MTUS2: variants seen among roughly 807,000 people sequenced by gnomAD.
The protein encoded by MTUS2 is microtubule associated scaffold protein 2, also known as microtubule-associated tumor suppressor candidate 2.
Under a neutral mutation model 114.1 loss-of-function variants are expected in MTUS2, and 40 were observed. The ratio of observed to expected loss-of-function variants is 0.35; its 90% confidence interval spans 0.27 to 0.46. The LOEUF is 0.46. Among genes scored for constraint, MTUS2 ranks in the 20% least tolerant of loss-of-function variants. The probability of loss-of-function intolerance (pLI) is 1.00; values close to 1 mark genes in which losing one functional copy is unlikely to be tolerated. For missense variants in MTUS2, 1,679 were observed against 1,705.4 expected (o/e 0.98, Z 0.27); for synonymous variants, 688 against 672.0 (o/e 1.02, Z -0.37).
Position 29,040,030 on chromosome 13 carries a change from T to C in MTUS2, c.2446+5905T>C, listed in dbSNP as rs527909497. ...GTGATGTTTGGTTATATGTATAAGTTCTTTAGTGGTGATTTCTGAGGTCTT... is the reference window on the plus strand; with the variant it reads ...GTGATGTTTGGTTATATGTATAAGTCCTTTAGTGGTGATTTCTGAGGTCTT... On this transcript the variant is annotated intron_variant, in intron 4 of 15. Coordinates refer to ENST00000612955, the MANE Select transcript of MTUS2 (RefSeq NM_001033602.4). Among the ~76,000 whole-genome samples the C allele has an allele frequency of 6.6e-5, 10 of 152,288 alleles. No homozygotes were observed. In the South Asian group the frequency reaches 2.1e-3, roughly 32 times the overall value.
intron 5 of MTUS2, among the ~76,000 whole-genome samples, chr13:29,159,464 G>T (rs1379524471): frequency 6.6e-6 from 1 of 152,030 alleles, no homozygotes; most frequent in Non-Finnish European, 1.5e-5. Context: ...CTTGGGTTGG[G>T]TGTCAGAAGC....
intron 9 of MTUS2, among the ~76,000 whole-genome samples, chr13:29,445,097 C>G (rs530225193): frequency 8.5e-5 from 13 of 152,318 alleles, no homozygotes; most frequent in Non-Finnish European, 1.5e-4. Context: ...TTGCATAGTG[C>G]CCTCTACCAG....
intron 2 of MTUS2, among the ~76,000 whole-genome samples, chr13:28,852,130 G>A (rs1290741687): frequency 6.6e-6 from 1 of 152,024 alleles, no homozygotes; most frequent in Non-Finnish European, 1.5e-5. Flanking sequence ...CTCCTATTTA[G>A]CACAGGGCTG....
At chr13:29,449,468 C>T (rs1368857272) in intron 9 of MTUS2, among the ~76,000 whole-genome samples, 1 of 152,172 alleles carries the variant, frequency 6.6e-6, no homozygotes, top group Non-Finnish European at 1.5e-5. Flanking sequence ...CCTCCAAGCT[C>T]TTCCATATGA....
intron 5 of MTUS2, among the ~76,000 whole-genome samples, chr13:29,151,430 A>G (rs1305886875): frequency 1.3e-5 from 2 of 152,268 alleles, no homozygotes; most frequent in South Asian, 2.1e-4. Context: ...CAGTTGTAGG[A>G]GCCTTCTGGA....
chr13:29,110,843 G>A (rs1890855175), intron 5 of MTUS2, among the ~76,000 whole-genome samples: 1 of 152,096 alleles, frequency 6.6e-6, no homozygotes, highest in Non-Finnish European at 1.5e-5. Context: ...GGATGTTCTA[G>A]CCCATTCAAT....
chr13:29,331,260 T>C (rs1162172146), intron 7 of MTUS2, among the ~76,000 whole-genome samples: 1 of 152,194 alleles, frequency 6.6e-6, no homozygotes, highest in Non-Finnish European at 1.5e-5. Flanking sequence ...TGTATAGGAA[T>C]GCTTGTGATT....
chr13:29,475,772 A>C (rs2138867685), intron 9 of MTUS2, among the ~76,000 whole-genome samples: 1 of 152,388 alleles, frequency 6.6e-6, no homozygotes, highest in East Asian at 1.9e-4. Flanking sequence ...GTGTTATTAC[A>C]AAAGAGTCAA....
intron 8 of MTUS2, among the ~76,000 whole-genome samples, chr13:29,433,785 C>T (rs1877192600): frequency 6.6e-6 from 1 of 152,184 alleles, no homozygotes; most frequent in Non-Finnish European, 1.5e-5. Context: ...AATTTAAACT[C>T]ATAGAGCCCT....
At chr13:29,459,111 G>A (rs1239738053) in intron 9 of MTUS2, among the ~76,000 whole-genome samples, 6 of 152,232 alleles carry the variant, frequency 3.9e-5, no homozygotes, top group Admixed American at 1.3e-4. Context: ...GGACCCAAGC[G>A]GAGTCACTTG....
rs149049624 is a variant in MTUS2, at chr13:28,872,901, A to T, written c.-243+33051A>T. Among the ~76,000 whole-genome samples the T allele has an allele frequency of 3.4e-3, 518 of 152,276 alleles. 3 individuals carry two copies. The highest frequency in any genetic ancestry group is 0.012 in the African/African-American group (486 of 41,564). On this transcript the variant is annotated intron_variant, in intron 2 of 15. Coordinates refer to ENST00000612955, the MANE Select transcript of MTUS2 (RefSeq NM_001033602.4). Reference sequence around the variant, plus strand: ...GAGATTATGGCTGAGAATTTTCCAAATCTGATGAAAGATATGATAGATTCA... The same window carrying T: ...GAGATTATGGCTGAGAATTTTCCAATTCTGATGAAAGATATGATAGATTCA...
At chr13:29,170,082 T>A (rs113013535) in intron 5 of MTUS2, among the ~76,000 whole-genome samples, 8 of 4,708 alleles carry the variant, frequency 1.7e-3, no homozygotes, top group African/African-American at 3.3e-3. Flanking sequence ...CTGAGAAGAA[T>A]TGCCTGCAGA....
intron 4 of MTUS2, among the ~76,000 whole-genome samples, chr13:29,095,568 A>C (rs1428030414): frequency 1.2e-5 from 1 of 80,298 alleles, no homozygotes; most frequent in African/African-American, 3.8e-5. Context: ...TGGACTATGT[A>C]AATTTTTTTT....
At chr13:29,325,890 T>C (rs1459933618) in intron 7 of MTUS2, among the ~76,000 whole-genome samples, 1 of 152,224 alleles carries the variant, frequency 6.6e-6, no homozygotes, top group East Asian at 1.9e-4. Flanking sequence ...AGAGCCTTGG[T>C]TTTAACCTAA....
intron 5 of MTUS2, among the ~76,000 whole-genome samples, chr13:29,187,360 C>A (rs978603270): frequency 6.6e-6 from 1 of 151,708 alleles, no homozygotes; most frequent in Admixed American, 6.6e-5. Flanking sequence ...GCTTGACAGA[C>A]CAAGAGAAAT....
intron 5 of MTUS2, among the ~76,000 whole-genome samples, chr13:29,169,527 G>A (rs928570612): frequency 5.3e-5 from 8 of 152,112 alleles, no homozygotes; most frequent in African/African-American, 1.9e-4. Context: ...CATTAATCAA[G>A]TATTTGCATT....
Position 28,857,041 on chromosome 13 carries a change from G to T in MTUS2, c.-243+17191G>T, listed in dbSNP as rs567378722. ...GACACTCTAAGGAAGTGAGGAGCTG[G>T]TGTTTCCTGAAGGGGCTGATTGCCC... is the stretch of plus-strand genomic sequence containing the variant. On this transcript the variant is annotated intron_variant, in intron 2 of 15. Coordinates refer to ENST00000612955, the MANE Select transcript of MTUS2 (RefSeq NM_001033602.4). Among the ~76,000 whole-genome samples the T allele has an allele frequency of 4.6e-5, 7 of 152,348 alleles. 1 individual carries two copies. In the Middle Eastern group the frequency reaches 0.01, roughly 222 times the overall value.
intron 6 of MTUS2, among the ~76,000 whole-genome samples, chr13:29,289,726 A>G (rs1898630319): frequency 6.6e-6 from 1 of 152,012 alleles, no homozygotes; most frequent in African/African-American, 2.4e-5. Flanking sequence ...CGGCCTCCCA[A>G]AGTGCTGGGA....
intron 9 of MTUS2, among the ~76,000 whole-genome samples, chr13:29,453,567 G>A (rs1878894669): frequency 6.6e-6 from 1 of 152,016 alleles, no homozygotes; most frequent in Admixed American, 6.6e-5. Flanking sequence ...AGGAGGGTTT[G>A]TAACCCAGTC....
Sources: allele counts gnomAD v4.1 joint callset (sites outside exome capture counted in the v4.1 genomes callset), GRCh38; gene constraint gnomAD v4.1.1; transcripts MANE v1.5; gene names NCBI Gene and HGNC (gene_info 2026-07-23, HGNC 2026-07-21).